The following PCNT variants were observed in gnomAD, a reference collection of about 807,000 sequenced individuals.
PCNT encodes pericentrin.
A neutral mutation model predicts 380.4 loss-of-function variants in PCNT; 319 were observed. The ratio of observed to expected loss-of-function variants is 0.84; its 90% confidence interval spans 0.77 to 0.92. The LOEUF is 0.92. PCNT is among the 40% of genes least tolerant of loss of function. The pLI, the probability that PCNT is intolerant of heterozygous loss-of-function variation, is 0.00. For missense variants in PCNT, 4,400 were observed against 4,255.3 expected, an observed-to-expected ratio of 1.03 and a Z score of -0.95; for synonymous variants, 1,845 against 1,735.2, an observed-to-expected ratio of 1.06 and a Z score of -1.57.
chr21:46,375,780 G>A (rs531374660), intron 15 of PCNT, among the ~76,000 whole-genome samples: 2 of 152,232 alleles, frequency 1.3e-5, no homozygotes, highest in Non-Finnish European at 2.9e-5. Context: ...CTGTCCCCCC[G>A]CGGGGAGCCG....
At chr21:46,354,352 A>G (rs756052024) in intron 11 of PCNT, among the ~76,000 whole-genome samples, 1 of 152,234 alleles carries the variant, frequency 6.6e-6, no homozygotes, top group Non-Finnish European at 1.5e-5. Context: ...TGCATTCGTC[A>G]GACTTGACAG....
At position 46,441,149 on chromosome 21, in the gene PCNT, A is replaced by G. The variant is rs976342352; in HGVS notation, c.9623+65A>G. Reference sequence around the variant, plus strand: ...TCTCCGTGAGTGGGCAGCACACTGCATGGTTTTTTGGTCATTTTATTCCTT... The same window carrying G: ...TCTCCGTGAGTGGGCAGCACACTGCGTGGTTTTTTGGTCATTTTATTCCTT... On this transcript the variant is annotated intron_variant, in intron 43 of 46. Transcript: ENST00000359568. 5.9e-6 allele frequency: 6 copies of G among 1,019,862 alleles called. No individual in the cohort carries two copies. The South Asian group carries it at 7.6e-5, about 13-fold the overall frequency. The allele number at this position is 1,019,862 out of a possible 1,614,324, so 63.2% of individuals were successfully genotyped here.
At chr21:46,328,224 CTT>C (rs2083448760) in intron 2 of PCNT, among the ~76,000 whole-genome samples, 2 of 149,282 alleles carry the variant, frequency 1.3e-5, no homozygotes, top group Non-Finnish European at 1.5e-5. Flanking sequence ...CTTTTTATCT[CTT>C]GAGTGTTTTT....
chr21:46,373,619 G>T (rs1244060681), intron 15 of PCNT, among the ~76,000 whole-genome samples: 1 of 63,216 alleles, frequency 1.6e-5, no homozygotes, highest in Non-Finnish European at 3.0e-5. Flanking sequence ...GTAGAGATGG[G>T]GTTTCACCAT....
chr21:46,393,482 A>G (rs1024988255), intron 21 of PCNT, among the ~76,000 whole-genome samples: 6 of 151,918 alleles, frequency 3.9e-5, no homozygotes, highest in African/African-American at 1.5e-4. Context: ...CCCTCCCTGT[A>G]GACTCTGCTG....
At chr21:46,354,662 C>T (rs1601818574) in intron 11 of PCNT, among the ~76,000 whole-genome samples, 1 of 152,110 alleles carries the variant, frequency 6.6e-6, no homozygotes, top group African/African-American at 2.4e-5. Context: ...GGCAGCACCG[C>T]GTGGCTTGTT....
intron 27 of PCNT, among the ~76,000 whole-genome samples, chr21:46,404,421 A>G (rs900281739): frequency 6.5e-5 from 9 of 138,218 alleles, no homozygotes; most frequent in African/African-American, 2.3e-4. Flanking sequence ...TCTGCCCAAC[A>G]AAGAAGAGGA....
intron 15 of PCNT, among the ~76,000 whole-genome samples, chr21:46,373,361 A>G (rs2085217137): frequency 6.6e-6 from 1 of 150,428 alleles, no homozygotes; most frequent in African/African-American, 2.5e-5. Context: ...GTATTTTTGT[A>G]GTTGAGGTAC....
At chr21:46,420,681 C>A in intron 31 of PCNT, 1 of 152,484 alleles carries the variant, frequency 6.6e-6, no homozygotes, top group South Asian at 1.9e-4. Flanking sequence ...TGGCTGTGAT[C>A]TCCTCTGGAT....
chr21:46,382,214 C>T (rs1368260275), intron 16 of PCNT, among the ~76,000 whole-genome samples: 2 of 143,878 alleles, frequency 1.4e-5, no homozygotes, highest in Non-Finnish European at 1.5e-5. Context: ...GTGGCGGAAG[C>T]GCATTCATAG....
chr21:46,350,378 A>C (rs971855711), intron 8 of PCNT, among the ~76,000 whole-genome samples: 1 of 152,098 alleles, frequency 6.6e-6, no homozygotes, highest in East Asian at 1.9e-4. Context: ...CACATCCTCT[A>C]ACCGTGATCC....
intron 11 of PCNT, 132 bp downstream of exon 11, chr21:46,354,200 C>A: frequency 1.3e-6 from 1 of 798,708 alleles, no homozygotes; most frequent in Non-Finnish European, 2.2e-6. Flanking sequence ...CTTGCGGATG[C>A]TGCCCCGACC....
Position 46,422,171 on chromosome 21 carries a change from G to A in PCNT, c.7179+47G>A, listed in dbSNP as rs763850339. ...CTCACAGCTTCACATGTGCAGCCTC[G>A]GGGCATCCCCCAAGCCCTGTGTCCT... On this transcript the variant is annotated intron_variant, in intron 32 of 46. Transcript: ENST00000359568. 1.9e-5 allele frequency: 30 copies of A among 1,607,408 alleles called. 1 individual carries two copies. In the South Asian group the frequency reaches 1.9e-4, roughly 10 times the overall value.
rs898354628 is a variant in PCNT at position 46,353,172 on chromosome 21, A to G, written c.1525A>G (p.Lys509Glu). 1.9e-6 allele frequency: 3 copies of G among 1,614,030 alleles called. No homozygotes were observed. The highest frequency in any genetic ancestry group is 2.5e-6 in the Non-Finnish European group (3 of 1,180,048). ...TTTAGAACAGCTGAAGCAGCGAGAAAAAACCCAGCATGAGTCCGAACTGGA... is the reference window on the plus strand; with the variant it reads ...TTTAGAACAGCTGAAGCAGCGAGAAGAAACCCAGCATGAGTCCGAACTGGA... Reference protein sequence around the residue: ...EDLEQLKQREKTQHESELEQL... With the variant: ...EDLEQLKQREETQHESELEQL... The change falls in exon 10 of 47, where the codon AAA becomes GAA. Residue 509 changes from lysine (K) to glutamate (E), a missense_variant. Coordinates refer to ENST00000359568, the MANE Select transcript of PCNT (RefSeq NM_006031.6).
intron 44 of PCNT, chr21:46,442,933 A>G (rs899679860): frequency 1.6e-5 from 5 of 305,596 alleles, no homozygotes; most frequent in Non-Finnish European, 2.5e-5. Context: ...TTTCTGGCTC[A>G]CTCACATCTT....
At chr21:46,379,540 C>T (rs962223909) in intron 15 of PCNT, among the ~76,000 whole-genome samples, 1 of 152,096 alleles carries the variant, frequency 6.6e-6, no homozygotes, top group South Asian at 2.1e-4. Flanking sequence ...TTTTGGCCGT[C>T]GTGTCTTCAA....
At chr21:46,440,297 C>CT in intron 42 of PCNT, 95 bp downstream of exon 42, 1 of 1,344,048 alleles carries the variant, frequency 7.4e-7, no homozygotes, top group Non-Finnish European at 1.1e-6. Flanking sequence ...ACAAGGTTCT[C>CT]GTCTGCCGGG....
chr21:46,394,715 C>A (rs2086150626), intron 21 of PCNT, among the ~76,000 whole-genome samples: 2 of 152,222 alleles, frequency 1.3e-5, no homozygotes, highest in South Asian at 4.1e-4. Flanking sequence ...AACGCCCCAG[C>A]AAAACAGGAG....
Position 46,416,719 on chromosome 21 carries a change from G to T in PCNT, c.6801G>T (p.Ser2267=), listed in dbSNP as rs182322703. 1 of 1,580,034 alleles carries T rather than the reference G, an allele frequency of 6.3e-7. No homozygotes were observed. Among genetic ancestry groups the T allele is most frequent in the Non-Finnish European group, 8.6e-7 (1 of 1,160,894 alleles). The part of the protein sequence containing the change: ...DTSLGDRADT[S]LPQTQGPGLL... ...CCCTGGGGGACAGGGCGGACACCTCGCTGCCACAGACCCAGGGGCCGGGGC... is the reference window on the plus strand; with the variant it reads ...CCCTGGGGGACAGGGCGGACACCTCTCTGCCACAGACCCAGGGGCCGGGGC... Residue 2267 remains serine (S), a synonymous_variant, in exon 30 of 47, where the codon TCG becomes TCT. Coordinates refer to ENST00000359568, the MANE Select transcript of PCNT (RefSeq NM_006031.6).
Sources: allele counts gnomAD v4.1 joint callset (sites outside exome capture counted in the v4.1 genomes callset), GRCh38; gene constraint gnomAD v4.1.1; transcripts MANE v1.5; gene names NCBI Gene and HGNC (gene_info 2026-07-23, HGNC 2026-07-21).